The following ME3 variants were observed in gnomAD, a reference collection of about 807,000 sequenced individuals.
ME3 encodes NADP-dependent malic enzyme, mitochondrial.
Under a neutral mutation model 68.9 loss-of-function variants are expected in ME3, and 48 were observed. That is an observed-to-expected ratio of 0.70 (90% CI 0.55 to 0.89). The LOEUF is 0.89. ME3 is among the 40% of genes least tolerant of loss of function. ME3 has a pLI of 0.00. For missense variants in ME3, 675 were observed against 797.4 expected (o/e 0.85, Z 1.85); for synonymous variants, 320 against 318.8 (o/e 1.00, Z -0.04).
intron 2 of ME3, among the ~76,000 whole-genome samples, chr11:86,580,167 C>T (rs1016922833): frequency 2.6e-5 from 4 of 152,122 alleles, no homozygotes; most frequent in Admixed American, 6.5e-5. Flanking sequence ...TCTTGATTTC[C>T]GGAAAGGTCA....
chr11:86,447,908 C>T (rs1019155434), intron 11 of ME3, among the ~76,000 whole-genome samples: 2 of 150,922 alleles, frequency 1.3e-5, no homozygotes, highest in Non-Finnish European at 3.0e-5. Context: ...GACAGACTAG[C>T]CCTGCACTTA....
At chr11:86,622,267 G>A (rs965834358) in intron 2 of ME3, among the ~76,000 whole-genome samples, 9 of 152,006 alleles carry the variant, frequency 5.9e-5, no homozygotes, top group Non-Finnish European at 1.5e-5. Flanking sequence ...TAAAACAAAA[G>A]CTCTGCATGT....
intron 2 of ME3, among the ~76,000 whole-genome samples, chr11:86,617,050 T>TTG (rs1713348383): frequency 1.9e-5 from 1 of 53,632 alleles, no homozygotes; most frequent in African/African-American, 9.5e-5. Context: ...TAGTAGTTTT[T>TTG]TTTTTTTTTT....
chr11:86,510,681 C>T (rs1249374986), intron 4 of ME3, among the ~76,000 whole-genome samples: 1 of 152,108 alleles, frequency 6.6e-6, no homozygotes, highest in Admixed American at 6.6e-5. Flanking sequence ...CCAATAGCAC[C>T]TCTCACTACA....
intron 4 of ME3, among the ~76,000 whole-genome samples, chr11:86,542,275 G>A (rs563431143): frequency 6.6e-6 from 1 of 152,296 alleles, no homozygotes; most frequent in Admixed American, 6.5e-5. Flanking sequence ...CTCCTTGCCA[G>A]CAAGGGAACA....
chr11:86,437,534 T>G (rs1167300617), downstream of ME3, among the ~76,000 whole-genome samples: 1 of 122,976 alleles, frequency 8.1e-6, no homozygotes, highest in Non-Finnish European at 1.8e-5. Flanking sequence ...AGGTATAGTG[T>G]TCACTTTATA....
At position 86,508,788 on chromosome 11, in the gene ME3, A is replaced by G; in HGVS notation, c.543+4T>C. 1 of 1,607,456 alleles carries G rather than the reference A, an allele frequency of 6.2e-7. No homozygotes were observed. The highest frequency in any genetic ancestry group is 8.5e-7 in the Non-Finnish European group (1 of 1,173,948). Reference sequence around the variant, plus strand: ...ATTAAATAGCAATGAAAACGGGATCATACCTTAATATTGTCTTCTGGCCAA... The same window carrying G: ...ATTAAATAGCAATGAAAACGGGATCGTACCTTAATATTGTCTTCTGGCCAA... On this transcript the variant is annotated splice_donor_region_variant and intron_variant, in intron 5 of 14. Transcript: ENST00000543262.
chr11:86,604,443 C>G (rs542539377), intron 2 of ME3, among the ~76,000 whole-genome samples: 2 of 151,856 alleles, frequency 1.3e-5, no homozygotes, highest in Admixed American at 1.3e-4. Flanking sequence ...TTGTCTCTTA[C>G]AAGAAAAAAA....
At chr11:86,461,842 G>A (rs1212687261) in intron 8 of ME3, among the ~76,000 whole-genome samples, 2 of 152,192 alleles carry the variant, frequency 1.3e-5, no homozygotes, top group African/African-American at 4.8e-5. Flanking sequence ...TTCTTACAGG[G>A]CTCCTGCCAT....
intron 5 of ME3, among the ~76,000 whole-genome samples, chr11:86,500,083 G>A (rs1458617876): frequency 6.6e-6 from 1 of 152,210 alleles, no homozygotes; most frequent in Non-Finnish European, 1.5e-5. Context: ...CACCCTCTCT[G>A]CAGCCTGCAT....
intron 2 of ME3, among the ~76,000 whole-genome samples, chr11:86,641,428 G>C (rs1350478575): frequency 6.6e-6 from 1 of 152,188 alleles, no homozygotes. Flanking sequence ...ATGGACCCAA[G>C]AGTCCCTCAG....
intron 2 of ME3, among the ~76,000 whole-genome samples, chr11:86,664,177 T>C (rs1327658280): frequency 6.6e-6 from 1 of 152,122 alleles, no homozygotes; most frequent in Non-Finnish European, 1.5e-5. Context: ...AACTGTAACC[T>C]AAAATTGAAA....
rs1016121716 is a variant in ME3 at position 86,635,480 on chromosome 11, T to A, written c.183+36282A>T. Among the ~76,000 whole-genome samples the A allele has an allele frequency of 9.9e-5, 15 of 152,188 alleles. 1 individual carries two copies. The highest frequency in any genetic ancestry group is 7.8e-4 in the Admixed American group (12 of 15,288). On this transcript the variant is annotated intron_variant, in intron 2 of 14. Coordinates refer to ENST00000543262, the Ensembl canonical transcript of ME3. ...AGCCTGCTGTGGTTTGAATGTGTCC[T>A]CCAAATTTCATGTATTGGAAACTAA...
chr11:86,637,661 C>A (rs1222262758), intron 2 of ME3, among the ~76,000 whole-genome samples: 1 of 151,980 alleles, frequency 6.6e-6, no homozygotes, highest in Non-Finnish European at 1.5e-5. Flanking sequence ...GTGCGTTGTG[C>A]TAAGGAGTTT....
intron 5 of ME3, among the ~76,000 whole-genome samples, chr11:86,498,532 A>G (rs950945245): frequency 6.6e-6 from 1 of 152,236 alleles, no homozygotes; most frequent in African/African-American, 2.4e-5. Flanking sequence ...TGCTGCTGCT[A>G]CAGCTCCAGG....
chr11:86,667,558 C>T (rs761167587), intron 2 of ME3, among the ~76,000 whole-genome samples: 6 of 152,202 alleles, frequency 3.9e-5, no homozygotes, highest in African/African-American at 7.2e-5. Flanking sequence ...ATTTATTGAG[C>T]ATTTCAAGTC....
chr11:86,588,721 G>T (rs1958882172), intron 2 of ME3, among the ~76,000 whole-genome samples: 1 of 152,184 alleles, frequency 6.6e-6, no homozygotes, highest in African/African-American at 2.4e-5. Context: ...GAAGTATGAA[G>T]GGCAGGGGAG....
At chr11:86,508,930 GTCCATA>G (rs1953294373) in intron 4 of ME3, 63 bp from the exon 5 acceptor site, 1 of 1,318,864 alleles carries the variant, frequency 7.6e-7, no homozygotes. Flanking sequence ...ACTGAGCAAA[GTCCATA>G]GTACTAGGTA....
chr11:86,482,828 G>A (rs551752708), intron 7 of ME3, among the ~76,000 whole-genome samples: 97 of 152,096 alleles, frequency 6.4e-4, no homozygotes, highest in Admixed American at 1.5e-3. Context: ...AGCTGAGCCC[G>A]CTCCCAGCTA....
Sources: allele counts gnomAD v4.1 joint callset (sites outside exome capture counted in the v4.1 genomes callset), GRCh38; gene constraint gnomAD v4.1.1; transcripts MANE v1.5; gene names NCBI Gene and HGNC (gene_info 2026-07-23, HGNC 2026-07-21).